Variants in TRIOBP observed in about 807,000 individuals in gnomAD.
TRIOBP encodes TRIO and F-actin binding protein, also known as TRIO and F-actin-binding protein.
TRIOBP carries 169 observed loss-of-function variants against 238.8 expected under a neutral mutation model. The observed-to-expected ratio is 0.71, with a 90% CI of 0.62 to 0.80. The LOEUF is 0.80. Among genes scored for constraint, TRIOBP ranks in the 30% least tolerant of loss-of-function variants. The pLI, the probability that TRIOBP is intolerant of heterozygous loss-of-function variation, is 0.00. For missense variants in TRIOBP, 2,838 were observed against 3,122.6 expected, an observed-to-expected ratio of 0.91 and a Z score of 2.17; for synonymous variants, 1,150 against 1,274.4, an observed-to-expected ratio of 0.90 and a Z score of 2.08.
chr22:37,736,827 A>G (rs1320352491), intron 9 of TRIOBP, among the ~76,000 whole-genome samples: 1 of 151,802 alleles, frequency 6.6e-6, no homozygotes, highest in Non-Finnish European at 1.5e-5. Flanking sequence ...GGGTTTCTCC[A>G]TGTTGGTCAG....
rs60616000 is a variant in TRIOBP, at chr22:37,717,509, C to T, written c.628+1575C>T. On this transcript the variant is annotated intron_variant, in intron 6 of 23. Coordinates refer to ENST00000644935, the MANE Select transcript of TRIOBP (RefSeq NM_001039141.3). ...GGCGCTGATTGGTGCATTTACAATC[C>T]CTGAGCTTGACACAAAGGTTCTCCA... 2.6e-5 allele frequency among the ~76,000 whole-genome samples: 4 copies of T among 152,184 alleles called. No homozygotes were observed. The East Asian group carries it at 5.8e-4, about 22-fold the overall frequency.
At chr22:37,703,411 G>A (rs977070505) in intron 3 of TRIOBP, among the ~76,000 whole-genome samples, 20 of 151,742 alleles carry the variant, frequency 1.3e-4, no homozygotes, top group Non-Finnish European at 7.4e-5. Context: ...TGATACACAC[G>A]CAATGAGAAA....
At chr22:37,716,662 G>A (rs973931474) in intron 6 of TRIOBP, among the ~76,000 whole-genome samples, 2 of 152,208 alleles carry the variant, frequency 1.3e-5, no homozygotes, top group Non-Finnish European at 2.9e-5. Flanking sequence ...ATTCCTGGCT[G>A]GGGATTACAG....
Position 37,701,231 on chromosome 22 carries a change from G to A in TRIOBP, c.-60-75G>A, listed in dbSNP as rs111287926. 846 of 705,476 alleles carry A rather than the reference G, an allele frequency of 1.2e-3. 7 individuals are homozygous for A. The highest frequency in any genetic ancestry group is 8.0e-3 in the South Asian group (529 of 66,124). The allele number at this position is 705,476 out of a possible 1,614,324, so 43.7% of individuals were successfully genotyped here. The stretch of plus-strand genomic sequence containing the variant: ...TTTCCTTGGTCCTTGTCTGGAAACT[G>A]GGGCAACTGGGGCTGGGGTTCAGGT... On this transcript the variant is annotated intron_variant, in intron 2 of 23. Transcript: ENST00000644935.
Position 37,731,451 on chromosome 22 carries a change from CAT to C in TRIOBP, c.3948-1830_3948-1829del, listed in dbSNP as rs1262948124. On this transcript the variant is annotated intron_variant, in intron 7 of 23. Coordinates refer to ENST00000644935, the MANE Select transcript of TRIOBP (RefSeq NM_001039141.3). ...GACACTGTACCTGGCCTCCCAACCC[CAT>C]ATATATATATATATATTTTTTGAGA... 8.3e-3 allele frequency among the ~76,000 whole-genome samples: 476 copies of C among 57,662 alleles called. 5 individuals carry two copies. Among genetic ancestry groups the C allele is most frequent in the African/African-American group, 0.018 (450 of 25,228 alleles). The allele number at this position is 57,662 out of a possible 152,430, so 37.8% of individuals were successfully genotyped here. A position where few individuals can be genotyped will look rare whatever the true frequency, so the allele number is the denominator to read the frequency against.
rs575273564 is a variant in TRIOBP, at chr22:37,736,730, C to T, written c.5106+1288C>T. On this transcript the variant is annotated intron_variant, in intron 9 of 23. Transcript: ENST00000644935. ...GCAACCTCCGCCCCCCAGGTTCAAG[C>T]TATTCTCCTGCCTCAGCCTCCCGAG... is the stretch of plus-strand genomic sequence containing the variant. Among the ~76,000 whole-genome samples the T allele has an allele frequency of 2.6e-5, 4 of 152,256 alleles. No individual in the cohort carries two copies. In the East Asian group the frequency reaches 5.8e-4, roughly 22 times the overall value.
chr22:37,706,012 G>A (rs1460768259), intron 3 of TRIOBP, among the ~76,000 whole-genome samples: 4 of 152,152 alleles, frequency 2.6e-5, no homozygotes, highest in Non-Finnish European at 4.4e-5. Flanking sequence ...AAAGGTGCAC[G>A]TACTCATCGG....
chr22:37,715,678 C>A, intron 5 of TRIOBP, 85 bp from the exon 6 acceptor site: 1 of 1,491,548 alleles, frequency 6.7e-7, no homozygotes, highest in Non-Finnish European at 9.1e-7. Flanking sequence ...CCCTTCCCTT[C>A]CTTCTGCCCC....
At chr22:37,723,033 A>G in intron 6 of TRIOBP, 152 bp from the exon 7 acceptor site, 1 of 727,330 alleles carries the variant, frequency 1.4e-6, no homozygotes, top group Non-Finnish European at 2.2e-6. Flanking sequence ...CCTTGGTCAG[A>G]GAGGTGGAGT....
chr22:37,741,126 G>A, intron 11 of TRIOBP, 94 bp downstream of exon 11: 3 of 1,497,044 alleles, frequency 2.0e-6, no homozygotes, highest in Non-Finnish European at 2.7e-6. Flanking sequence ...AGAGAGAGTG[G>A]GGGCTGAGGA....
intron 1 of TRIOBP, 22 bp downstream of exon 1, chr22:37,697,111 AGAG>A (rs1018669778): frequency 1.4e-4 from 22 of 152,318 alleles, no homozygotes; most frequent in African/African-American, 4.1e-4. Context: ...GCCTCAGAAA[AGAG>A]GAGCTGGTAG....
At chr22:37,738,857 G>A in intron 10 of TRIOBP, 138 bp downstream of exon 10, 1 of 921,652 alleles carries the variant, frequency 1.1e-6, no homozygotes, top group Non-Finnish European at 1.7e-6. Flanking sequence ...CTATGTGCAT[G>A]GTGGGGCCTT....
At chr22:37,749,506 C>T (rs999356846) in intron 11 of TRIOBP, among the ~76,000 whole-genome samples, 1 of 152,172 alleles carries the variant, frequency 6.6e-6, no homozygotes, top group East Asian at 1.9e-4. Context: ...TGCCAGTACT[C>T]CCGAAAGGCG....
rs1399741621 is a variant in TRIOBP, at chr22:37,701,478, A to G, written c.113A>G (p.Gln38Arg). The change falls in exon 3 of 24, where the codon CAG becomes CGG. Residue 38 changes from glutamine to arginine, a missense_variant and splice_region_variant. Coordinates refer to ENST00000644935, the MANE Select transcript of TRIOBP (RefSeq NM_001039141.3). ...HPEEAHGARY[Q>R]ELRSPSGAEV... Reference sequence around the variant, plus strand: ...GAGGAGGCCCATGGAGCAAGATACCAGGTGGGCCAGTTTTCCACGTGGTTG... The same window carrying G: ...GAGGAGGCCCATGGAGCAAGATACCGGGTGGGCCAGTTTTCCACGTGGTTG... 1.2e-6 allele frequency: 2 copies of G among 1,608,258 alleles called. No individual in the cohort carries two copies. Among genetic ancestry groups the G allele is most frequent in the Non-Finnish European group, 1.7e-6 (2 of 1,177,216 alleles).
intron 12 of TRIOBP, among the ~76,000 whole-genome samples, chr22:37,752,869 C>A (rs1286759327): frequency 2.0e-5 from 3 of 152,198 alleles, no homozygotes; most frequent in African/African-American, 7.2e-5. Flanking sequence ...AGCCCAACCC[C>A]TTGGTGCACA....
intron 15 of TRIOBP, among the ~76,000 whole-genome samples, chr22:37,757,340 G>A (rs1242176607): frequency 6.6e-6 from 1 of 152,162 alleles, no homozygotes; most frequent in African/African-American, 2.4e-5. Flanking sequence ...TTCAGCCTGG[G>A]CAGCAGAGTG....
intron 3 of TRIOBP, among the ~76,000 whole-genome samples, chr22:37,705,140 C>T (rs752052138): frequency 8.6e-5 from 13 of 151,810 alleles, no homozygotes; most frequent in Non-Finnish European, 1.5e-4. Context: ...TTTACGAGGC[C>T]GAGACGGGTG....
intron 11 of TRIOBP, among the ~76,000 whole-genome samples, chr22:37,742,711 G>A (rs1007055165): frequency 1.3e-5 from 2 of 152,200 alleles, no homozygotes; most frequent in African/African-American, 4.8e-5. Context: ...TCTGGCAGGA[G>A]GGGGCAGGTA....
intron 11 of TRIOBP, among the ~76,000 whole-genome samples, chr22:37,750,415 C>T (rs779144672): frequency 2.0e-5 from 3 of 152,208 alleles, no homozygotes; most frequent in Admixed American, 1.3e-4. Context: ...TTTTCCTGAG[C>T]CTTGCTGTGG....
Sources: allele counts gnomAD v4.1 joint callset (sites outside exome capture counted in the v4.1 genomes callset), GRCh38; gene constraint gnomAD v4.1.1; transcripts MANE v1.5; gene names NCBI Gene and HGNC (gene_info 2026-07-23, HGNC 2026-07-21).